Variants in EPHA5 observed in about 807,000 individuals in gnomAD.
The protein encoded by EPHA5 is EPH receptor A5.
Under a neutral mutation model 105.0 loss-of-function variants are expected in EPHA5, and 60 were observed. The observed-to-expected ratio is 0.57, with a 90% CI of 0.46 to 0.71. EPHA5 has a LOEUF of 0.71. EPHA5 is among the 30% of genes least tolerant of loss of function. The pLI, the probability that EPHA5 is intolerant of heterozygous loss-of-function variation, is 0.00. For synonymous variants in EPHA5, 513 were observed against 449.1 expected (o/e 1.14, Z -1.80); for missense variants, 1,218 against 1,274.7 (o/e 0.96, Z 0.68).
At chr4:65,665,960 T>C (rs1394112340) in intron 1 of EPHA5, among the ~76,000 whole-genome samples, 1 of 152,156 alleles carries the variant, frequency 6.6e-6, no homozygotes, top group Non-Finnish European at 1.5e-5. Context: ...GTCCTGCGGA[T>C]TTATCTAAAA....
intron 5 of EPHA5, among the ~76,000 whole-genome samples, chr4:65,467,660 G>C (rs1728849693): frequency 6.6e-6 from 1 of 152,192 alleles, no homozygotes; most frequent in African/African-American, 2.4e-5. Context: ...AGCCATTGTT[G>C]TAGGCATAAT....
intron 11 of EPHA5, among the ~76,000 whole-genome samples, chr4:65,361,501 G>C (rs865967300): frequency 6.6e-6 from 1 of 151,604 alleles, no homozygotes; most frequent in Non-Finnish European, 1.5e-5. Context: ...TGTGTATGGA[G>C]TGGACTAAAG....
At chr4:65,642,463 C>T (rs893356864) in intron 2 of EPHA5, among the ~76,000 whole-genome samples, 3 of 151,778 alleles carry the variant, frequency 2.0e-5, no homozygotes, top group African/African-American at 7.3e-5. Flanking sequence ...CCTTTATGTT[C>T]TATTATCTTA....
intron 6 of EPHA5, among the ~76,000 whole-genome samples, chr4:65,417,738 C>T (rs935067912): frequency 6.6e-6 from 1 of 151,738 alleles, no homozygotes; most frequent in African/African-American, 2.4e-5. Context: ...AAAAATTAAA[C>T]TATAAAGAAA....
chr4:65,482,997 C>T (rs187811597), intron 5 of EPHA5, among the ~76,000 whole-genome samples: 1 of 152,194 alleles, frequency 6.6e-6, no homozygotes, highest in African/African-American at 2.4e-5. Context: ...TCTCCTAATG[C>T]TATCCCTCCT....
At chr4:65,528,539 T>G (rs1419124404) in intron 3 of EPHA5, among the ~76,000 whole-genome samples, 19 of 152,160 alleles carry the variant, frequency 1.2e-4, no homozygotes, top group Admixed American at 1.2e-3. Flanking sequence ...ACTTGTTTAT[T>G]AAAATCCATC....
intron 7 of EPHA5, among the ~76,000 whole-genome samples, chr4:65,407,602 G>A (rs1722484975): frequency 6.6e-6 from 1 of 151,672 alleles, no homozygotes; most frequent in Admixed American, 6.6e-5. Context: ...TCTGAAATCA[G>A]ATCATTTTTG....
chr4:65,398,661 C>A (rs974340648), intron 8 of EPHA5, among the ~76,000 whole-genome samples: 40 of 152,178 alleles, frequency 2.6e-4, no homozygotes, highest in South Asian at 4.2e-4. Flanking sequence ...TGGACTCAGC[C>A]AGACTGGGGA....
At chr4:65,616,612 C>A (rs1745264145) in intron 2 of EPHA5, among the ~76,000 whole-genome samples, 1 of 151,950 alleles carries the variant, frequency 6.6e-6, no homozygotes. Context: ...ACTCACTACA[C>A]CATGATGCTT....
chr4:65,391,965 T>C (rs1202650089), intron 8 of EPHA5, among the ~76,000 whole-genome samples: 6 of 152,150 alleles, frequency 3.9e-5, no homozygotes, highest in Non-Finnish European at 8.8e-5. Flanking sequence ...TCAATATAAC[T>C]TCCTGAGCAT....
chr4:65,622,148 T>C (rs1190532197), intron 2 of EPHA5, among the ~76,000 whole-genome samples: 1 of 152,150 alleles, frequency 6.6e-6, no homozygotes, highest in Non-Finnish European at 1.5e-5. Context: ...GCTTATTTTA[T>C]TTTCTAGAAA....
At chr4:65,502,810 T>C (rs1407582555) in intron 3 of EPHA5, among the ~76,000 whole-genome samples, 1 of 151,542 alleles carries the variant, frequency 6.6e-6, no homozygotes, top group Non-Finnish European at 1.5e-5. Flanking sequence ...ATCAGTGCAG[T>C]ACTAATCAAT....
intron 8 of EPHA5, among the ~76,000 whole-genome samples, chr4:65,397,220 G>T (rs1721329566): frequency 6.6e-6 from 1 of 152,152 alleles, no homozygotes; most frequent in African/African-American, 2.4e-5. Context: ...TGGTTCAGAA[G>T]TCAAAGGGAG....
chr4:65,444,393 CTCAT>C (rs1188894045), intron 5 of EPHA5, among the ~76,000 whole-genome samples: 1 of 152,088 alleles, frequency 6.6e-6, no homozygotes, highest in Non-Finnish European at 1.5e-5. Context: ...TTTGAATAAT[CTCAT>C]TTAATCTTTA....
intron 3 of EPHA5, chr4:65,573,425 A>G: frequency 1.3e-6 from 1 of 775,490 alleles, no homozygotes; most frequent in Non-Finnish European, 1.7e-6. Flanking sequence ...AAAAAAAAAA[A>G]AAAAAAAAAA....
At chr4:65,629,370 T>C (rs976919368) in intron 2 of EPHA5, among the ~76,000 whole-genome samples, 3 of 152,142 alleles carry the variant, frequency 2.0e-5, no homozygotes, top group African/African-American at 4.8e-5. Flanking sequence ...GAGTATAAGA[T>C]TATTATACAG....
At chr4:65,346,379 T>C (rs1355899251) in intron 14 of EPHA5, among the ~76,000 whole-genome samples, 2 of 152,074 alleles carry the variant, frequency 1.3e-5, no homozygotes, top group Non-Finnish European at 2.9e-5. Flanking sequence ...TATCAAACTC[T>C]TTTCTTAAAT....
intron 3 of EPHA5, among the ~76,000 whole-genome samples, chr4:65,520,737 A>G (rs1248373126): frequency 1.3e-5 from 2 of 152,220 alleles, no homozygotes; most frequent in African/African-American, 4.8e-5. Context: ...CACTTCTCAA[A>G]AGAAGACATT....
chr4:65,335,116 A>G (rs1015696082), intron 15 of EPHA5, among the ~76,000 whole-genome samples: 2 of 151,998 alleles, frequency 1.3e-5, no homozygotes, highest in Non-Finnish European at 2.9e-5. Flanking sequence ...TTTCTCATTT[A>G]GTCCATGCTA....
Sources: allele counts gnomAD v4.1 joint callset (sites outside exome capture counted in the v4.1 genomes callset), GRCh38; gene constraint gnomAD v4.1.1; transcripts MANE v1.5; gene names NCBI Gene and HGNC (gene_info 2026-07-23, HGNC 2026-07-21).